The following MCU variants were observed in gnomAD, a reference collection of about 807,000 sequenced individuals.
MCU encodes the protein mitochondrial calcium uniporter, also known as calcium uniporter protein, mitochondrial.
Under a neutral mutation model 45.2 loss-of-function variants are expected in MCU, and 12 were observed. The observed-to-expected ratio is 0.27, with a 90% CI of 0.17 to 0.43. The LOEUF is 0.43. MCU is among the 20% of genes least tolerant of loss of function. The probability of loss-of-function intolerance (pLI) is 1.00; values close to 1 mark genes in which losing one functional copy is unlikely to be tolerated. For synonymous variants in MCU, 160 were observed against 165.1 expected (o/e 0.97, Z 0.24); for missense variants, 324 against 436.7 (o/e 0.74, Z 2.30).
At chr10:72,799,127 A>G (rs2132777267) in intron 1 of MCU, among the ~76,000 whole-genome samples, 1 of 151,920 alleles carries the variant, frequency 6.6e-6, no homozygotes, top group East Asian at 1.9e-4. Flanking sequence ...GGGTTTCACC[A>G]TATGGCCAGG....
chr10:72,877,648 A>C (rs545483848), intron 6 of MCU, among the ~76,000 whole-genome samples: 2 of 152,212 alleles, frequency 1.3e-5, no homozygotes, highest in Non-Finnish European at 2.9e-5. Flanking sequence ...AGAACTAACA[A>C]AATAGCAAAA....
intron 1 of MCU, among the ~76,000 whole-genome samples, chr10:72,705,222 C>G (rs1842804928): frequency 6.6e-6 from 1 of 152,024 alleles, no homozygotes; most frequent in Admixed American, 6.6e-5. Flanking sequence ...GCAGCATGTG[C>G]AGGTTTGTTA....
intron 6 of MCU, among the ~76,000 whole-genome samples, chr10:72,879,800 C>G (rs1302414647): frequency 1.3e-5 from 2 of 152,102 alleles, no homozygotes; most frequent in South Asian, 2.1e-4. Context: ...AATCCCAGCA[C>G]TTTGGGAGGC....
intron 1 of MCU, among the ~76,000 whole-genome samples, chr10:72,788,225 A>T (rs908865849): frequency 1.3e-5 from 2 of 152,252 alleles, no homozygotes; most frequent in African/African-American, 4.8e-5. Flanking sequence ...CTATGAGTAT[A>T]TGACTCCAGT....
At chr10:72,701,310 G>C (rs1842756236) in intron 1 of MCU, among the ~76,000 whole-genome samples, 1 of 152,134 alleles carries the variant, frequency 6.6e-6, no homozygotes, top group African/African-American at 2.4e-5. Context: ...CAGTTTTATA[G>C]ATTTAAGTGT....
At chr10:72,717,803 C>T (rs559467623) in intron 1 of MCU, among the ~76,000 whole-genome samples, 1 of 152,056 alleles carries the variant, frequency 6.6e-6, no homozygotes, top group South Asian at 2.1e-4. Context: ...ATCTGGATTG[C>T]GTTTTGAAAG....
chr10:72,746,498 T>A (rs1470024690), intron 1 of MCU, among the ~76,000 whole-genome samples: 2 of 152,366 alleles, frequency 1.3e-5, no homozygotes, highest in East Asian at 3.9e-4. Context: ...TTAAGTTGAA[T>A]GTTTGAATTG....
chr10:72,793,096 C>G (rs1403093677), intron 1 of MCU, among the ~76,000 whole-genome samples: 2 of 152,144 alleles, frequency 1.3e-5, no homozygotes, highest in Non-Finnish European at 2.9e-5. Context: ...CCAGTGGTCT[C>G]AAACTCCTGA....
intron 1 of MCU, among the ~76,000 whole-genome samples, chr10:72,711,501 A>G (rs1475490852): frequency 6.6e-6 from 1 of 150,728 alleles, no homozygotes; most frequent in Non-Finnish European, 1.5e-5. Context: ...GATTACAGGC[A>G]TGAGCCACTA....
At position 72,818,110 on chromosome 10, in the gene MCU, G is replaced by A. The variant is rs550685134; in HGVS notation, c.151-16249G>A. Among the ~76,000 whole-genome samples the A allele has an allele frequency of 3.3e-5, 5 of 152,242 alleles. No homozygotes were observed. The East Asian group carries it at 7.7e-4, about 23-fold the overall frequency. Reference sequence around the variant, plus strand: ...AAGTCATAGAGTATAAAACTTAAAAGGCTTAAACAGTTGATAATTAAGCAA... The same window carrying A: ...AAGTCATAGAGTATAAAACTTAAAAAGCTTAAACAGTTGATAATTAAGCAA... On this transcript the variant is annotated intron_variant, in intron 1 of 7. Coordinates refer to ENST00000373053, the MANE Select transcript of MCU (RefSeq NM_138357.3).
intron 2 of MCU, among the ~76,000 whole-genome samples, chr10:72,842,092 A>T (rs752308194): frequency 6.6e-6 from 1 of 152,224 alleles, no homozygotes; most frequent in African/African-American, 2.4e-5. Flanking sequence ...CAGCCTAGGC[A>T]ACATGGTGAA....
intron 6 of MCU, among the ~76,000 whole-genome samples, chr10:72,882,168 C>T (rs966326957): frequency 6.6e-6 from 1 of 152,192 alleles, no homozygotes; most frequent in Non-Finnish European, 1.5e-5. Context: ...CTCTGCCTGT[C>T]TTTACTTTAA....
rs189069415 is a variant in MCU, at chr10:72,745,561, A to G, written c.150+53260A>G. Reference sequence around the variant, plus strand: ...GGTATTTTATACATAAATAGCTACTATAGCATGCTTCTTTCATCACAGGGA... The same window carrying G: ...GGTATTTTATACATAAATAGCTACTGTAGCATGCTTCTTTCATCACAGGGA... On this transcript the variant is annotated intron_variant, in intron 1 of 7. Transcript: ENST00000373053. Among the ~76,000 whole-genome samples the G allele has an allele frequency of 3.9e-4, 59 of 152,268 alleles. 1 individual carries two copies. The highest frequency in any genetic ancestry group is 3.7e-3 in the Admixed American group (57 of 15,290).
intron 1 of MCU, among the ~76,000 whole-genome samples, chr10:72,819,267 T>A (rs989299207): frequency 2.8e-4 from 43 of 152,192 alleles, no homozygotes; most frequent in African/African-American, 1.0e-3. Context: ...TTGTGGCAAG[T>A]CTGACATTTT....
intron 4 of MCU, 86 bp from the exon 5 acceptor site, chr10:72,868,617 A>G (rs764579448): frequency 7.7e-5 from 95 of 1,234,072 alleles, no homozygotes; most frequent in Non-Finnish European, 1.0e-4. Context: ...GATACCTATA[A>G]TGGATGAATC....
chr10:72,793,033 C>T (rs1256532808), intron 1 of MCU, among the ~76,000 whole-genome samples: 2 of 152,104 alleles, frequency 1.3e-5, no homozygotes, highest in East Asian at 3.9e-4. Context: ...CGCATGCCAC[C>T]ATGCCCGGCT....
At chr10:72,850,392 G>A (rs1256321607) in intron 2 of MCU, among the ~76,000 whole-genome samples, 5 of 152,014 alleles carry the variant, frequency 3.3e-5, no homozygotes, top group South Asian at 2.1e-4. Flanking sequence ...GTAGCTTTGC[G>A]GAAAAACCCC....
At chr10:72,805,050 A>C (rs1351558024) in intron 1 of MCU, among the ~76,000 whole-genome samples, 2 of 151,946 alleles carry the variant, frequency 1.3e-5, no homozygotes, top group Non-Finnish European at 1.5e-5. Flanking sequence ...AATTACAGGC[A>C]TGAGCCACCT....
At chr10:72,878,926 C>T (rs1460925382) in intron 6 of MCU, among the ~76,000 whole-genome samples, 1 of 152,054 alleles carries the variant, frequency 6.6e-6, no homozygotes, top group Admixed American at 6.6e-5. Context: ...TGAAAGACAT[C>T]CATTTACAGA....
Sources: gnomAD v4.1 joint callset for allele counts (sites outside exome capture counted in the v4.1 genomes callset) on GRCh38, gnomAD v4.1.1 for gene constraint, MANE v1.5 for transcripts, NCBI Gene and HGNC (gene_info 2026-07-23, HGNC 2026-07-21) for gene names.